AHCYL1: variants seen among roughly 807,000 people sequenced by gnomAD.
AHCYL1 encodes the protein adenosylhomocysteinase like 1.
In AHCYL1, 20 loss-of-function variants were observed where a neutral mutation model predicts 79.3. That is an observed-to-expected ratio of 0.25 (90% CI 0.18 to 0.37). The LOEUF is 0.37. Ranked by LOEUF, AHCYL1 falls within the 10% of genes least tolerant of loss-of-function variation. The pLI is 1.00. For synonymous variants in AHCYL1, 223 were observed against 242.2 expected (o/e 0.92, Z 0.74); for missense variants, 330 against 673.6 (o/e 0.49, Z 5.65).
chr1:110,015,562 G>T, intron 7 of AHCYL1, 31 bp downstream of exon 7: 1 of 1,588,826 alleles, frequency 6.3e-7, no homozygotes, highest in Non-Finnish European at 8.6e-7. Context: ...TGCCCCTTGT[G>T]TCCTTGCCTC....
At chr1:110,016,770 CTTA>C (rs1557774698) in intron 9 of AHCYL1, 40 bp downstream of exon 9, 2 of 1,610,692 alleles carry the variant, frequency 1.2e-6, no homozygotes, top group Non-Finnish European at 1.7e-6. Flanking sequence ...TTTTTGTGTA[CTTA>C]TTAGAAATAT....
intron 16 of AHCYL1, among the ~76,000 whole-genome samples, 187 bp from the exon 17 acceptor site, chr1:110,021,487 A>G (rs561834713): frequency 1.3e-5 from 2 of 152,296 alleles, no homozygotes; most frequent in African/African-American, 2.4e-5. Context: ...AACAGGCGGT[A>G]ACACCAGAAA....
chr1:110,002,047 TAAAC>T (rs541646807), intron 1 of AHCYL1, among the ~76,000 whole-genome samples: 12 of 152,310 alleles, frequency 7.9e-5, no homozygotes, highest in African/African-American at 1.4e-4. Flanking sequence ...CATTATAGAA[TAAAC>T]AAACATTAGA....
At chr1:110,016,043 G>A (rs1261083407) in intron 7 of AHCYL1, among the ~76,000 whole-genome samples, 1 of 151,886 alleles carries the variant, frequency 6.6e-6, no homozygotes, top group South Asian at 2.1e-4. Flanking sequence ...AGTAGGCATG[G>A]GTTTCTATTG....
At chr1:110,011,460 G>T in intron 3 of AHCYL1, 103 bp downstream of exon 3, 1 of 1,487,646 alleles carries the variant, frequency 6.7e-7, no homozygotes, top group Non-Finnish European at 9.1e-7. Context: ...AAGTGTACTG[G>T]GAAGAAAGAC....
At chr1:109,997,478 G>A (rs762594168) in intron 1 of AHCYL1, among the ~76,000 whole-genome samples, 6 of 152,204 alleles carry the variant, frequency 3.9e-5, no homozygotes. Context: ...TGAGACTCAT[G>A]CAGAAAAATA....
chr1:109,998,401 C>T (rs988539868), intron 1 of AHCYL1, among the ~76,000 whole-genome samples: 5 of 151,870 alleles, frequency 3.3e-5, no homozygotes, highest in African/African-American at 1.2e-4. Context: ...CAGGAGGATC[C>T]CCTGAGCCCA....
At chr1:110,008,930 T>A in intron 1 of AHCYL1, 104 bp from the exon 2 acceptor site, 1 of 826,710 alleles carries the variant, frequency 1.2e-6, no homozygotes, top group Non-Finnish European at 1.9e-6. Context: ...GTAGGAACCA[T>A]GTGATTACAT....
At chr1:110,018,335 C>T (rs754131019) in intron 11 of AHCYL1, 38 bp from the exon 12 acceptor site, 34 of 1,596,258 alleles carry the variant, frequency 2.1e-5, no homozygotes, top group African/African-American at 6.7e-5. Flanking sequence ...CTTTGTTGCC[C>T]GGCATCTCTT....
rs1265028996 is a variant in AHCYL1, at chr1:110,012,350, G to C, written c.377-12G>C. On this transcript the variant is annotated splice_polypyrimidine_tract_variant and intron_variant, in intron 3 of 16. Transcript: ENST00000369799. ...AGTGCAGACCTAGCTCAAATCCTCTGTTCTTTCACAGACATGTCTGCTCTG... is the reference window on the plus strand; with the variant it reads ...AGTGCAGACCTAGCTCAAATCCTCTCTTCTTTCACAGACATGTCTGCTCTG... 1 of 1,612,154 alleles carries C rather than the reference G, an allele frequency of 6.2e-7. No individual in the cohort carries two copies. Among genetic ancestry groups the C allele is most frequent in the African/African-American group, 1.3e-5 (1 of 74,842 alleles).
chr1:109,995,087 A>G (rs984971337), intron 1 of AHCYL1, among the ~76,000 whole-genome samples: 5 of 152,250 alleles, frequency 3.3e-5, no homozygotes, highest in Admixed American at 1.3e-4. Flanking sequence ...TTGCCAATCA[A>G]TAATGAATTG....
intron 1 of AHCYL1, among the ~76,000 whole-genome samples, chr1:110,000,380 A>C (rs1276715652): frequency 1.3e-5 from 2 of 152,208 alleles, no homozygotes; most frequent in Non-Finnish European, 2.9e-5. Context: ...GTATTCTAGA[A>C]TGGAACATTT....
intron 1 of AHCYL1, among the ~76,000 whole-genome samples, chr1:109,992,153 A>T (rs1053763649): frequency 6.6e-5 from 10 of 152,282 alleles, no homozygotes; most frequent in Middle Eastern, 3.4e-3. Flanking sequence ...TCACGCCTGT[A>T]ATCCCAGCAC....
chr1:110,018,230 A>T, intron 11 of AHCYL1, 143 bp from the exon 12 acceptor site: 1 of 897,550 alleles, frequency 1.1e-6, no homozygotes, highest in African/African-American at 1.7e-5. Context: ...TAGCCTAAGG[A>T]GCGGTTATGC....
At chr1:109,991,611 A>G (rs1406487484) in intron 1 of AHCYL1, among the ~76,000 whole-genome samples, 2 of 152,098 alleles carry the variant, frequency 1.3e-5, no homozygotes, top group African/African-American at 4.8e-5. Context: ...AGCACACCCT[A>G]TTGTTGACAT....
chr1:109,985,005 G>C lies in AHCYL1; in HGVS notation c.-48G>C, dbSNP rs1319116678. On this transcript the variant is annotated 5_prime_UTR_variant, in exon 1 of 17. Coordinates refer to ENST00000369799, the MANE Select transcript of AHCYL1 (RefSeq NM_006621.7). Reference sequence around the variant, plus strand: ...GGCAGGCGGGCGGGCGCCAGAGGGGGAAAGAGGCGGGGGCGGCGGGTCAGC... The same window carrying C: ...GGCAGGCGGGCGGGCGCCAGAGGGGCAAAGAGGCGGGGGCGGCGGGTCAGC... 3 of 1,483,026 alleles carry C rather than the reference G, an allele frequency of 2.0e-6. No individual in the cohort carries two copies. The highest frequency in any genetic ancestry group is 2.7e-6 in the Non-Finnish European group (3 of 1,113,176). The allele number at this position is 1,483,026 out of a possible 1,614,324, so 91.9% of individuals were successfully genotyped here.
At chr1:109,989,034 C>T (rs998899620) in intron 1 of AHCYL1, among the ~76,000 whole-genome samples, 1 of 152,214 alleles carries the variant, frequency 6.6e-6, no homozygotes, top group Non-Finnish European at 1.5e-5. Flanking sequence ...TTCCTATCTT[C>T]ACATCATTAG....
At chr1:110,001,021 A>C (rs1263656115) in intron 1 of AHCYL1, 1 of 931,608 alleles carries the variant, frequency 1.1e-6, no homozygotes. Context: ...TGTACAATCA[A>C]CTTTAAGTAA....
intron 1 of AHCYL1, chr1:110,001,138 T>C (rs990442773): frequency 3.5e-5 from 7 of 200,600 alleles, no homozygotes; most frequent in African/African-American, 1.7e-4. Flanking sequence ...AGTGATATTC[T>C]AGCAGTGATA....
Sources: gnomAD v4.1 joint callset for allele counts (sites outside exome capture counted in the v4.1 genomes callset) on GRCh38, gnomAD v4.1.1 for gene constraint, MANE v1.5 for transcripts, NCBI Gene and HGNC (gene_info 2026-07-23, HGNC 2026-07-21) for gene names.